MYO5B: variants seen among roughly 807,000 people sequenced by gnomAD.
The protein encoded by MYO5B is unconventional myosin-Vb.
MYO5B carries 143 observed loss-of-function variants against 229.3 expected under a neutral mutation model. That is an observed-to-expected ratio of 0.62 (90% CI 0.54 to 0.72). MYO5B has a LOEUF of 0.72. Ranked by LOEUF, MYO5B falls within the 30% of genes least tolerant of loss-of-function variation. The pLI is 0.00. For synonymous variants in MYO5B, 918 were observed against 885.2 expected, an observed-to-expected ratio of 1.04 and a Z score of -0.66; for missense variants, 2,321 against 2,331.0, an observed-to-expected ratio of 1.00 and a Z score of 0.09.
At chr18:50,183,512 G>T (rs2033105503) in intron 1 of MYO5B, among the ~76,000 whole-genome samples, 1 of 151,696 alleles carries the variant, frequency 6.6e-6, no homozygotes, top group South Asian at 2.1e-4. Context: ...AAAGCAAAAT[G>T]CCTATTAAAG....
chr18:49,864,147 C>G lies in MYO5B; in HGVS notation c.3837G>C (p.Arg1279Ser), dbSNP rs2144080091. ...VSADQRRLAG[R>S]NAEPNINARS... ...CGGGCCGCCATCTTGTTACCGCGTT[C>G]CTGCCGGCGAGTCGCCGCTGGTCGG... Residue 1279 changes from arginine to serine, a missense_variant, in exon 28 of 40, where the codon AGG becomes AGC. Transcript: ENST00000285039. 1 of 1,608,878 alleles carries G rather than the reference C, an allele frequency of 6.2e-7. No individual in the cohort carries two copies. Among genetic ancestry groups the G allele is most frequent in the African/African-American group, 1.3e-5 (1 of 75,064 alleles).
chr18:49,849,116 C>G (rs1338664229), intron 32 of MYO5B, among the ~76,000 whole-genome samples: 2 of 152,076 alleles, frequency 1.3e-5, no homozygotes, highest in Non-Finnish European at 2.9e-5. Context: ...CATTCTAGGT[C>G]TTTCTGGAAG....
intron 1 of MYO5B, among the ~76,000 whole-genome samples, chr18:50,184,429 T>C (rs1403888103): frequency 2.0e-5 from 3 of 152,066 alleles, no homozygotes; most frequent in South Asian, 2.1e-4. Context: ...TATATCCAAA[T>C]GATGTTCTGA....
intron 1 of MYO5B, among the ~76,000 whole-genome samples, chr18:50,108,829 G>A (rs1207292372): frequency 1.3e-5 from 2 of 152,188 alleles, no homozygotes; most frequent in Non-Finnish European, 2.9e-5. Flanking sequence ...AGCCAGCTCT[G>A]AAGTGTTCAA....
chr18:49,838,131 A>G (rs1304693719), intron 36 of MYO5B, among the ~76,000 whole-genome samples: 1 of 152,224 alleles, frequency 6.6e-6, no homozygotes, highest in Admixed American at 6.5e-5. Flanking sequence ...TCGTCCAGCC[A>G]CTGACTATGT....
At chr18:50,159,618 C>T (rs1217037184) in intron 1 of MYO5B, among the ~76,000 whole-genome samples, 1 of 152,162 alleles carries the variant, frequency 6.6e-6, no homozygotes, top group African/African-American at 2.4e-5. Flanking sequence ...CCCAAATCCT[C>T]CCCCACAGAC....
chr18:50,083,258 C>G (rs1489142775), intron 1 of MYO5B, among the ~76,000 whole-genome samples: 2 of 152,202 alleles, frequency 1.3e-5, no homozygotes, highest in Non-Finnish European at 2.9e-5. Flanking sequence ...AACCTGGAAG[C>G]TTGCCAAACC....
At chr18:50,072,241 G>GAA (rs35517763) in intron 1 of MYO5B, among the ~76,000 whole-genome samples, 65 of 144,976 alleles carry the variant, frequency 4.5e-4, no homozygotes, top group Admixed American at 1.2e-3. Flanking sequence ...TTTAAAAAGA[G>GAA]AAAAAAAAAA....
intron 21 of MYO5B, among the ~76,000 whole-genome samples, chr18:49,900,465 A>ACACC (rs1159637352): frequency 6.6e-6 from 1 of 152,202 alleles, no homozygotes; most frequent in Non-Finnish European, 1.5e-5. Context: ...ACACAGAGAA[A>ACACC]CACCCAGTGA....
At chr18:49,886,795 C>A (rs2024647562) in intron 22 of MYO5B, among the ~76,000 whole-genome samples, 1 of 152,064 alleles carries the variant, frequency 6.6e-6, no homozygotes, top group South Asian at 2.1e-4. Flanking sequence ...CGTAGAGGCA[C>A]CCACTCACCA....
intron 1 of MYO5B, among the ~76,000 whole-genome samples, chr18:50,133,164 C>T (rs2032280455): frequency 6.6e-6 from 1 of 152,168 alleles, no homozygotes; most frequent in Admixed American, 6.5e-5. Context: ...GTTCCTTATC[C>T]ATGGCCCCCT....
In MYO5B at chr18:50,054,098, A is replaced by G. The variant is rs2144415329; in HGVS notation, c.138+1170T>C. ...CTCTTCCCCGACAGCTCCCAGATGC[A>G]CTGGCCTCCTTCCCTTTCCTGGAAC... On this transcript the variant is annotated intron_variant, in intron 2 of 39. Transcript: ENST00000285039. Among the ~76,000 whole-genome samples the G allele has an allele frequency of 1.3e-5, 2 of 152,274 alleles. 1 individual carries two copies. The highest frequency in any genetic ancestry group is 4.2e-4 in the South Asian group (2 of 4,812).
chr18:49,970,254 G>A (rs2025677004), intron 10 of MYO5B, among the ~76,000 whole-genome samples: 1 of 152,216 alleles, frequency 6.6e-6, no homozygotes, highest in Non-Finnish European at 1.5e-5. Flanking sequence ...CAGATCCTTG[G>A]TTAAGGTGAA....
chr18:49,895,545 T>C (rs141920180), intron 21 of MYO5B, among the ~76,000 whole-genome samples: 90 of 148,734 alleles, frequency 6.1e-4, no homozygotes, highest in Non-Finnish European at 4.4e-4. Flanking sequence ...CTTCACTTTT[T>C]AGGTTTCTTT....
intron 1 of MYO5B, among the ~76,000 whole-genome samples, chr18:50,112,374 C>G (rs949442064): frequency 1.3e-5 from 2 of 152,166 alleles, no homozygotes; most frequent in Non-Finnish European, 2.9e-5. Context: ...CCCAACAATA[C>G]TGGCCCATCA....
intron 1 of MYO5B, among the ~76,000 whole-genome samples, chr18:50,139,081 G>C (rs1375588502): frequency 6.6e-6 from 1 of 152,260 alleles, no homozygotes; most frequent in Non-Finnish European, 1.5e-5. Context: ...TCTAATGTGA[G>C]GATGCCAGAG....
intron 1 of MYO5B, among the ~76,000 whole-genome samples, chr18:50,134,554 C>CAATAAATAAATAAATA (rs57536679): frequency 1.1e-4 from 16 of 141,504 alleles, no homozygotes; most frequent in African/African-American, 2.9e-4. Flanking sequence ...GACTCCATCT[C>CAATAAATAAATAAATA]AATAAATAAA....
intron 5 of MYO5B, among the ~76,000 whole-genome samples, chr18:49,994,219 G>T (rs190159686): frequency 6.6e-6 from 1 of 152,086 alleles, no homozygotes; most frequent in Admixed American, 6.6e-5. Context: ...GCCCATATGC[G>T]GTTAACCCTC....
intron 17 of MYO5B, among the ~76,000 whole-genome samples, chr18:49,917,555 T>A (rs868485133): frequency 1.3e-5 from 2 of 152,164 alleles, no homozygotes; most frequent in Non-Finnish European, 2.9e-5. Context: ...ACGACCCCCA[T>A]CCTCATTAGA....
Sources: allele counts gnomAD v4.1 joint callset (sites outside exome capture counted in the v4.1 genomes callset), GRCh38; gene constraint gnomAD v4.1.1; transcripts MANE v1.5; gene names NCBI Gene and HGNC (gene_info 2026-07-23, HGNC 2026-07-21).